CSF1R: variants seen among roughly 807,000 people sequenced by gnomAD.
The protein encoded by CSF1R is colony stimulating factor 1 receptor.
CSF1R carries 40 observed loss-of-function variants against 110.0 expected under a neutral mutation model. The observed-to-expected ratio is 0.36, with a 90% CI of 0.28 to 0.47. The LOEUF is 0.47. Ranked by LOEUF, CSF1R falls within the 20% of genes least tolerant of loss-of-function variation. The pLI is 0.99. For missense variants in CSF1R, 1,052 were observed against 1,253.0 expected (o/e 0.84, Z 2.42); for synonymous variants, 523 against 503.4 (o/e 1.04, Z -0.52).
intron 12 of CSF1R, 90 bp downstream of exon 12, chr5:150,061,391 CAGGTTGAAAT>C: frequency 9.4e-7 from 1 of 1,063,252 alleles, no homozygotes; most frequent in South Asian, 1.5e-5. Context: ...CAGGCTTCAA[CAGGTTGAAAT>C]GTGTGTGATG....
Position 150,078,589 on chromosome 5 carries a change from A to G in CSF1R, c.593-341T>C, listed in dbSNP as rs555778186. 4.6e-5 allele frequency among the ~76,000 whole-genome samples: 7 copies of G among 152,286 alleles called. No individual in the cohort carries two copies. In the East Asian group the frequency reaches 1.2e-3, roughly 25 times the overall value. On this transcript the variant is annotated intron_variant, in intron 3 of 20. Transcript: ENST00000675795. ...CTAAAGTGACCTCTTACAAATATAA[A>G]TGGGACCATGCCTCTCTCCTCTGTA...
Position 150,112,984 on chromosome 5 carries a change from T to C in CSF1R, c.-181+277A>G, listed in dbSNP as rs4705414. On this transcript the variant is annotated intron_variant, in intron 1 of 21. Coordinates refer to the CSF1R transcript ENST00000286301. ...CACAGTGATGGATCTGAGGCTGACA[T>C]CTGGTCCACCTCAAGTGAGCCAAGT... Among the ~76,000 whole-genome samples the C allele has an allele frequency of 0.94, 142,524 of 152,256 alleles. 66,759 individuals are homozygous for C. The highest frequency in any genetic ancestry group is 0.99 in the East Asian group (5,128 of 5,166).
At chr5:150,110,024 T>G (rs1759671150) in intron 1 of CSF1R, among the ~76,000 whole-genome samples, 1 of 151,736 alleles carries the variant, frequency 6.6e-6, no homozygotes, top group Non-Finnish European at 1.5e-5. Flanking sequence ...GCCCCCTTGC[T>G]TCTGGTTTCA....
chr5:150,068,536 G>A (rs974970484), intron 9 of CSF1R, among the ~76,000 whole-genome samples: 1 of 152,124 alleles, frequency 6.6e-6, no homozygotes, highest in East Asian at 1.9e-4. Context: ...CTCTGCTCAT[G>A]CCCAGCCCCA....
chr5:150,108,782 G>A (rs1692997756), intron 1 of CSF1R, among the ~76,000 whole-genome samples: 1 of 152,080 alleles, frequency 6.6e-6, no homozygotes, highest in African/African-American at 2.4e-5. Flanking sequence ...CTGCTGTGAA[G>A]CCCTGCAGGA....
rs370624765 is a variant in CSF1R at position 150,061,831 on chromosome 5, G to A, written c.1645C>T (p.Arg549Cys). 121 of 1,614,042 alleles carry A rather than the reference G, an allele frequency of 7.5e-5. No homozygotes were observed. The highest frequency in any genetic ancestry group is 8.8e-5 in the Non-Finnish European group (104 of 1,180,028). ...KYKQKPKYQVRWKIIESYEGN... is the reference protein window; with the variant it reads ...KYKQKPKYQVCWKIIESYEGN... ...TCATAGCTCTCGATGATCTTCCAGCGGACCTGGTACTTGGGCTTCTGCAGA... is the reference window on the plus strand; with the variant it reads ...TCATAGCTCTCGATGATCTTCCAGCAGACCTGGTACTTGGGCTTCTGCAGA... The change falls in exon 11 of 21, where the codon CGC becomes TGC. Residue 549 changes from arginine (R) to cysteine (C), a missense_variant. By Grantham distance (180) the Arg-to-Cys change is radical. This residue lies in a region of CSF1R where 693 missense variants were observed against 735.4 expected (regional missense o/e 0.94). Transcript: ENST00000675795.
intron 1 of CSF1R, among the ~76,000 whole-genome samples, chr5:150,102,338 A>G (rs1759428069): frequency 1.3e-5 from 2 of 152,208 alleles, no homozygotes; most frequent in South Asian, 4.1e-4. Context: ...TGGTAGGAAA[A>G]AATGTTAATT....
upstream of CSF1R, among the ~76,000 whole-genome samples, chr5:150,091,492 T>C (rs749042236): frequency 6.6e-6 from 1 of 152,204 alleles, no homozygotes; most frequent in Non-Finnish European, 1.5e-5. Flanking sequence ...AAACACTGTG[T>C]TAAGTCAATG....
intron 1 of CSF1R, among the ~76,000 whole-genome samples, chr5:150,105,789 A>G (rs1759537124): frequency 6.6e-6 from 1 of 152,312 alleles, no homozygotes; most frequent in Non-Finnish European, 1.5e-5. Flanking sequence ...GGCTTCCCAA[A>G]GGGCTGAGAT....
intron 1 of CSF1R, among the ~76,000 whole-genome samples, chr5:150,110,887 A>G (rs61469361): frequency 0.13 from 20,239 of 151,762 alleles, 2,259 homozygotes; most frequent in African/African-American, 0.29. Context: ...ACAGGCATAT[A>G]TGACATAAAT....
chr5:150,108,866 G>T (rs1461463417), intron 1 of CSF1R, among the ~76,000 whole-genome samples: 1 of 152,170 alleles, frequency 6.6e-6, no homozygotes, highest in Non-Finnish European at 1.5e-5. Flanking sequence ...AAGAACATGT[G>T]GGTGAGGGAA....
At chr5:150,100,471 G>A (rs189815307) in intron 1 of CSF1R, among the ~76,000 whole-genome samples, 89 of 151,828 alleles carry the variant, frequency 5.9e-4, no homozygotes, top group Middle Eastern at 6.8e-3. Context: ...CTAATTTCTT[G>A]TATTTTTAGT....
rs146868513 is a variant in CSF1R, at chr5:150,061,690, A to G, written c.1753+33T>C. 4.3e-5 allele frequency: 70 copies of G among 1,614,206 alleles called. 1 individual carries two copies. In the African/African-American group the frequency reaches 6.8e-4, roughly 16 times the overall value. ...CTGCAACCCCCACAGGCCCTGTGAT[A>G]GGAAGCTGTGGAGTGATGAGCTGCC... On this transcript the variant is annotated intron_variant, in intron 11 of 20. Coordinates refer to ENST00000675795, the MANE Select transcript of CSF1R (RefSeq NM_001288705.3).
intron 1 of CSF1R, among the ~76,000 whole-genome samples, chr5:150,092,354 C>T (rs188215286): frequency 6.6e-6 from 1 of 152,210 alleles, no homozygotes. Context: ...GCATTTACAG[C>T]AATCTCCACA....
At chr5:150,088,632 C>CA (rs1355788553), upstream of CSF1R, among the ~76,000 whole-genome samples, 1 of 150,836 alleles carries the variant, frequency 6.6e-6, no homozygotes, top group Non-Finnish European at 1.5e-5. Flanking sequence ...CTCCCGCGTT[C>CA]AAGCTATTCT....
At chr5:150,059,122 G>C (rs1186065382) in intron 14 of CSF1R, among the ~76,000 whole-genome samples, 1 of 152,162 alleles carries the variant, frequency 6.6e-6, no homozygotes, top group Non-Finnish European at 1.5e-5. Context: ...TCAGCTCACA[G>C]CAACCTCTGC....
rs2013473 is a variant in CSF1R at position 150,055,627 on chromosome 5, G to C, written c.2555-291C>G. ...AAAGTGTGGACAGTCAGGTGGTTATGAGGGTATAGGAGCAGCGTATTTAAG... is the reference window on the plus strand; with the variant it reads ...AAAGTGTGGACAGTCAGGTGGTTATCAGGGTATAGGAGCAGCGTATTTAAG... On this transcript the variant is annotated intron_variant, in intron 18 of 20. Coordinates refer to ENST00000675795, the MANE Select transcript of CSF1R (RefSeq NM_001288705.3). Among the ~76,000 whole-genome samples the C allele has an allele frequency of 1.2e-3, 188 of 152,360 alleles. 2 individuals are homozygous for C. In the South Asian group the frequency reaches 0.034, roughly 28 times the overall value.
intron 12 of CSF1R, 41 bp from the exon 13 acceptor site, chr5:150,061,013 A>C (rs774454981): frequency 9.2e-6 from 13 of 1,409,152 alleles, no homozygotes; most frequent in Non-Finnish European, 1.2e-5. Context: ...GGGAGAGGGC[A>C]GGACAGAGAG....
At chr5:150,099,059 A>G (rs999200286) in intron 1 of CSF1R, among the ~76,000 whole-genome samples, 16 of 124,882 alleles carry the variant, frequency 1.3e-4, no homozygotes, top group Admixed American at 1.1e-3. Context: ...ACACCCAGCT[A>G]ATTTTTTTTT....
Sources: gnomAD v4.1 joint callset for allele counts (sites outside exome capture counted in the v4.1 genomes callset) on GRCh38, gnomAD v4.1.1 for gene constraint, gnomAD v4.1.1 regional missense constraint, MANE v1.5 for transcripts, NCBI Gene and HGNC (gene_info 2026-07-23, HGNC 2026-07-21) for gene names.